The following TENM2 variants were observed in gnomAD, a reference collection of about 807,000 sequenced individuals.
The protein encoded by TENM2 is teneurin transmembrane protein 2.
TENM2 carries 52 observed loss-of-function variants against 245.2 expected under a neutral mutation model. The ratio of observed to expected loss-of-function variants is 0.21; its 90% confidence interval spans 0.17 to 0.27. The LOEUF is 0.27. Among genes scored for constraint, TENM2 ranks in the 10% least tolerant of loss-of-function variants. The pLI is 1.00. For synonymous variants in TENM2, 1,363 were observed against 1,438.9 expected (o/e 0.95, Z 1.19); for missense variants, 3,046 against 3,666.8 (o/e 0.83, Z 4.37).
At chr5:167,759,528 G>A (rs1190018577) in intron 2 of TENM2, among the ~76,000 whole-genome samples, 1 of 152,188 alleles carries the variant, frequency 6.6e-6, no homozygotes, top group East Asian at 1.9e-4. Flanking sequence ...GAACACTGAA[G>A]AGTTACAGGG....
At chr5:167,125,152 G>A in the TENM2 span, among the ~76,000 whole-genome samples, 1 of 152,234 alleles carries the variant, frequency 6.6e-6, no homozygotes. Flanking sequence ...GTGTGTTAAA[G>A]TCTGAGATGT....
chr5:167,219,735 A>C, the TENM2 span, among the ~76,000 whole-genome samples: 1 of 152,226 alleles, frequency 6.6e-6, no homozygotes, highest in African/African-American at 2.4e-5. Flanking sequence ...GCTCATTATA[A>C]AACTAATGCT....
the TENM2 span, among the ~76,000 whole-genome samples, chr5:167,250,730 T>G: frequency 6.6e-6 from 1 of 152,282 alleles, no homozygotes; most frequent in East Asian, 1.9e-4. Context: ...GCTATTATGT[T>G]GTAAAAAGCT....
intron 1 of TENM2, among the ~76,000 whole-genome samples, chr5:167,334,706 C>T (rs867043669): frequency 4.0e-4 from 61 of 152,244 alleles, no homozygotes; most frequent in African/African-American, 1.4e-3. Flanking sequence ...TCATGAACTC[C>T]GTTACAACAT....
At position 167,801,095 on chromosome 5, in the gene TENM2, G is replaced by GAAAA. The variant is rs1176405769; in HGVS notation, c.503-74879_503-74876dup. Among the ~76,000 whole-genome samples, 196 of 50,610 alleles carry GAAAA rather than the reference G, an allele frequency of 3.9e-3. 9 individuals carry two copies. The highest frequency in any genetic ancestry group is 0.016 in the Middle Eastern group (1 of 62). The allele number at this position is 50,610 out of a possible 152,430, so 33.2% of individuals were successfully genotyped here. ...CCTATACTTTGAATGTATTTGAAAA[G>GAAAA]AAAAAAAAAAAAAAATATATATATA... On this transcript the variant is annotated intron_variant, in intron 2 of 28. Transcript: ENST00000518659.
intron 2 of TENM2, among the ~76,000 whole-genome samples, chr5:167,662,161 T>C (rs575316535): frequency 1.7e-4 from 26 of 152,218 alleles, no homozygotes; most frequent in African/African-American, 5.8e-4. Flanking sequence ...CAGGTGCCCA[T>C]TGTATTTATT....
At chr5:166,994,438 C>T in the TENM2 span, among the ~76,000 whole-genome samples, 1 of 152,098 alleles carries the variant, frequency 6.6e-6, no homozygotes, top group Non-Finnish European at 1.5e-5. Flanking sequence ...TTCAGGCTCC[C>T]TCTGAGCCAA....
chr5:167,958,954 T>A (rs930274072), intron 4 of TENM2, among the ~76,000 whole-genome samples: 3 of 152,148 alleles, frequency 2.0e-5, no homozygotes, highest in African/African-American at 7.2e-5. Context: ...GACGATTATG[T>A]GTCTTGGGGT....
chr5:167,418,519 A>G (rs562311560), intron 2 of TENM2, among the ~76,000 whole-genome samples: 8 of 152,280 alleles, frequency 5.3e-5, no homozygotes, highest in South Asian at 2.1e-4. Flanking sequence ...ATTGTCTTCT[A>G]TGAAGCTTGA....
intron 5 of TENM2, among the ~76,000 whole-genome samples, chr5:168,007,100 A>G (rs1217632886): frequency 6.6e-6 from 1 of 151,344 alleles, no homozygotes; most frequent in African/African-American, 2.4e-5. Context: ...CTCACAAATC[A>G]GCACATGTAC....
chr5:167,006,727 A>T, the TENM2 span, among the ~76,000 whole-genome samples: 1 of 150,826 alleles, frequency 6.6e-6, no homozygotes, highest in Non-Finnish European at 1.5e-5. Flanking sequence ...TGTGCAATGG[A>T]GTGATCTCGG....
chr5:167,486,068 G>GA (rs796740024), intron 2 of TENM2, among the ~76,000 whole-genome samples: 12 of 147,970 alleles, frequency 8.1e-5, no homozygotes, highest in African/African-American at 9.9e-5. Context: ...AAGTTTCTGA[G>GA]AAAAAAAAAA....
chr5:167,819,058 CTGTG>C (rs145489126), intron 2 of TENM2, among the ~76,000 whole-genome samples: 4,125 of 147,620 alleles, frequency 0.028, 92 homozygotes, highest in Non-Finnish European at 0.032. Flanking sequence ...TGGTGTGTGA[CTGTG>C]TGTGTGTGTG....
At chr5:167,462,968 G>T (rs1240494492) in intron 2 of TENM2, among the ~76,000 whole-genome samples, 1 of 151,956 alleles carries the variant, frequency 6.6e-6, no homozygotes. Context: ...GAACTCTATA[G>T]TCTTCAATGA....
upstream of TENM2, among the ~76,000 whole-genome samples, chr5:167,280,546 A>G (rs1770982833): frequency 6.6e-6 from 1 of 152,006 alleles, no homozygotes; most frequent in Non-Finnish European, 1.5e-5. Context: ...TTGCTTGTGA[A>G]GATTGGGGTG....
intron 6 of TENM2, among the ~76,000 whole-genome samples, chr5:168,050,900 C>CAAG (rs1471616765): frequency 6.6e-6 from 1 of 152,200 alleles, no homozygotes. Flanking sequence ...GCTTTCACAT[C>CAAG]AAGAAGAGGG....
At chr5:168,238,221 G>A (rs200263844) in intron 25 of TENM2, among the ~76,000 whole-genome samples, 5,326 of 24,272 alleles carry the variant, frequency 0.22, 1,646 homozygotes, top group East Asian at 0.61. Flanking sequence ...GAGGGAGAGA[G>A]AAGAAAAGAA....
At chr5:167,905,816 C>A (rs1776045888) in intron 3 of TENM2, among the ~76,000 whole-genome samples, 1 of 152,052 alleles carries the variant, frequency 6.6e-6, no homozygotes, top group Admixed American at 6.6e-5. Flanking sequence ...AGAGGTGTCA[C>A]AATGAAAAAT....
intron 2 of TENM2, among the ~76,000 whole-genome samples, chr5:167,727,542 A>C (rs1019497523): frequency 1.3e-5 from 2 of 152,268 alleles, no homozygotes; most frequent in Non-Finnish European, 2.9e-5. Context: ...GAAATGGAGA[A>C]GCTTACTACT....
Sources: gnomAD v4.1 joint callset for allele counts (sites outside exome capture counted in the v4.1 genomes callset) on GRCh38, gnomAD v4.1.1 for gene constraint, MANE v1.5 for transcripts, NCBI Gene and HGNC (gene_info 2026-07-23, HGNC 2026-07-21) for gene names.